Variants in GPC5 observed in about 807,000 individuals in gnomAD.
GPC5 encodes the protein glypican-5.
Under a neutral mutation model 53.9 loss-of-function variants are expected in GPC5, and 47 were observed. That is an observed-to-expected ratio of 0.87 (90% confidence interval 0.69 to 1.11). The LOEUF is 1.11. Among genes scored for constraint, GPC5 ranks in the 50% most tolerant of loss-of-function variants. GPC5 has a pLI of 0.00. For synonymous variants in GPC5, 286 were observed against 263.3 expected, an observed-to-expected ratio of 1.09 and a Z score of -0.84; for missense variants, 748 against 713.1, an observed-to-expected ratio of 1.05 and a Z score of -0.56.
chr13:92,298,831 C>T (rs191738915), intron 7 of GPC5, among the ~76,000 whole-genome samples: 2 of 152,284 alleles, frequency 1.3e-5, no homozygotes, highest in East Asian at 1.9e-4. Flanking sequence ...GCTGTAATCT[C>T]GTCCTGCCTC....
At chr13:92,017,646 G>C (rs180832088) in intron 6 of GPC5, among the ~76,000 whole-genome samples, 2 of 152,012 alleles carry the variant, frequency 1.3e-5, no homozygotes, top group Non-Finnish European at 1.5e-5. Flanking sequence ...TGATTCAGTG[G>C]ATGGCATATA....
intron 2 of GPC5, among the ~76,000 whole-genome samples, chr13:91,487,700 A>G (rs2139240464): frequency 6.6e-6 from 1 of 152,300 alleles, no homozygotes; most frequent in Non-Finnish European, 1.5e-5. Context: ...ACTTTTAACT[A>G]CATGCTACAT....
rs531792963 is a variant in GPC5 at position 92,820,286 on chromosome 13, G to A, written c.1562-45996G>A. Among the ~76,000 whole-genome samples the A allele has an allele frequency of 8.5e-5, 13 of 152,170 alleles. No individual in the cohort carries two copies. The Middle Eastern group carries it at 0.017, about 199-fold the overall frequency. On this transcript the variant is annotated intron_variant, in intron 7 of 7. Transcript: ENST00000377067. ...CGTAAATCAGTCATCAAAGACACCA[G>A]CTTCTCCTTCAACTTCACATTTAAG...
intron 7 of GPC5, among the ~76,000 whole-genome samples, chr13:92,533,800 T>A (rs1212637562): frequency 6.6e-6 from 1 of 152,218 alleles, no homozygotes; most frequent in African/African-American, 2.4e-5. Context: ...TCAACTTTTT[T>A]ATTTCCTTCC....
chr13:92,699,471 T>A (rs2139246629), intron 7 of GPC5, among the ~76,000 whole-genome samples: 1 of 152,280 alleles, frequency 6.6e-6, no homozygotes, highest in South Asian at 2.1e-4. Context: ...TTCTGCTAGC[T>A]TTTGAATTTG....
intron 7 of GPC5, among the ~76,000 whole-genome samples, chr13:92,708,163 A>C (rs780634916): frequency 2.6e-5 from 4 of 152,188 alleles, no homozygotes; most frequent in Admixed American, 1.3e-4. Flanking sequence ...ACTAACTTCA[A>C]ATCCAAAGAT....
At chr13:91,423,195 A>G (rs1388545017) in intron 1 of GPC5, among the ~76,000 whole-genome samples, 1 of 152,224 alleles carries the variant, frequency 6.6e-6, no homozygotes. Context: ...AAGACACATT[A>G]CTGAATCAGA....
chr13:91,861,344 T>C, intron 5 of GPC5, among the ~76,000 whole-genome samples: 1 of 152,210 alleles, frequency 6.6e-6, no homozygotes, highest in East Asian at 1.9e-4. Flanking sequence ...ATTTATCTAT[T>C]TCTCCCTTCA....
At chr13:92,141,411 T>A (rs1272070098) in intron 6 of GPC5, among the ~76,000 whole-genome samples, 2 of 151,828 alleles carry the variant, frequency 1.3e-5, no homozygotes, top group East Asian at 1.9e-4. Flanking sequence ...GTGAGAGGGG[T>A]TATTAAGAGG....
At chr13:91,727,656 C>T (rs2036603869) in intron 3 of GPC5, among the ~76,000 whole-genome samples, 1 of 152,046 alleles carries the variant, frequency 6.6e-6, no homozygotes, top group African/African-American at 2.4e-5. Context: ...GTTCTAACTT[C>T]TTCATTGTGC....
intron 7 of GPC5, among the ~76,000 whole-genome samples, chr13:92,159,593 C>CTTTTTTTTTTTTT (rs71120074): frequency 1.6e-4 from 9 of 57,214 alleles, no homozygotes; most frequent in Admixed American, 2.3e-4. Context: ...TACCAATGTT[C>CTTTTTTTTTTTTT]TTTTTTTTTT....
chr13:91,562,188 TAAAAAAA>T (rs10603242), intron 2 of GPC5, among the ~76,000 whole-genome samples: 4 of 45,054 alleles, frequency 8.9e-5, no homozygotes, highest in African/African-American at 2.5e-4. Context: ...GGAGCAACAG[TAAAAAAA>T]AAAAAAAAAA....
chr13:91,658,157 A>C (rs1407029393), intron 2 of GPC5, among the ~76,000 whole-genome samples: 1 of 152,164 alleles, frequency 6.6e-6, no homozygotes, highest in South Asian at 2.1e-4. Context: ...AAGGGAAAAA[A>C]ATCAGATCTG....
chr13:92,391,566 G>A (rs955550350), intron 7 of GPC5, among the ~76,000 whole-genome samples: 6 of 151,940 alleles, frequency 3.9e-5, no homozygotes, highest in African/African-American at 1.4e-4. Flanking sequence ...TATTCCAAAG[G>A]CTCTATTTTG....
intron 7 of GPC5, among the ~76,000 whole-genome samples, chr13:92,645,032 A>T (rs1885721523): frequency 6.6e-6 from 1 of 152,188 alleles, no homozygotes; most frequent in Non-Finnish European, 1.5e-5. Flanking sequence ...TCAGAAGGTG[A>T]CATTCACTAA....
intron 5 of GPC5, among the ~76,000 whole-genome samples, chr13:91,890,536 C>T (rs1036869373): frequency 2.0e-5 from 3 of 151,946 alleles, no homozygotes; most frequent in African/African-American, 7.3e-5. Flanking sequence ...TATATTTGAG[C>T]AACAAGGGAA....
intron 2 of GPC5, among the ~76,000 whole-genome samples, chr13:91,631,116 A>G (rs998797470): frequency 8.5e-5 from 13 of 152,160 alleles, no homozygotes; most frequent in Non-Finnish European, 1.8e-4. Context: ...TAAGCAAGAC[A>G]CAGAGTGGAA....
intron 7 of GPC5, among the ~76,000 whole-genome samples, chr13:92,510,551 TGTATA>T (rs1391275758): frequency 6.6e-6 from 1 of 152,222 alleles, no homozygotes. Context: ...TGTTGACTAT[TGTATA>T]TACAATTGAC....
intron 7 of GPC5, among the ~76,000 whole-genome samples, chr13:92,436,691 A>G (rs1026962928): frequency 3.9e-5 from 6 of 152,068 alleles, no homozygotes; most frequent in Admixed American, 6.6e-5. Flanking sequence ...CATCACACAA[A>G]ATTTTTGAAC....
Sources: allele counts gnomAD v4.1 joint callset (sites outside exome capture counted in the v4.1 genomes callset), GRCh38; gene constraint gnomAD v4.1.1; transcripts MANE v1.5; gene names NCBI Gene and HGNC (gene_info 2026-07-23, HGNC 2026-07-21).